TMOD1: variants seen among roughly 807,000 people sequenced by gnomAD.
TMOD1 encodes the protein tropomodulin-1.
TMOD1 carries 17 observed loss-of-function variants against 40.6 expected under a neutral mutation model. The observed-to-expected ratio is 0.42, with a 90% CI of 0.29 to 0.63. TMOD1 has a LOEUF of 0.63. TMOD1 is among the 20% of genes least tolerant of loss of function. The pLI is 0.22. For synonymous variants in TMOD1, 181 were observed against 175.0 expected (o/e 1.03, Z -0.27); for missense variants, 391 against 447.6 (o/e 0.87, Z 1.14).
rs1330987168 is a variant in TMOD1, at chr9:97,502,587, C to T, written c.-49+784C>T. On this transcript the variant is annotated intron_variant, in intron 1 of 9. Transcript: ENST00000259365. This position sits in a 1 kb window ranked among gnomAD's most constrained non-coding sequence, Gnocchi z 6.1. ...GAGCTGCAGGGCGCGCTCTTGGCCGCCTGCGCTCCCCACACCTGTTCACCC... is the reference window on the plus strand; with the variant it reads ...GAGCTGCAGGGCGCGCTCTTGGCCGTCTGCGCTCCCCACACCTGTTCACCC... 6.6e-6 allele frequency among the ~76,000 whole-genome samples: 1 copy of T among 152,152 alleles called. No individual in the cohort carries two copies. Among genetic ancestry groups the T allele is most frequent in the African/African-American group, 2.4e-5 (1 of 41,440 alleles).
chr9:97,576,350 A>G (rs1416575628), intron 8 of TMOD1, among the ~76,000 whole-genome samples: 1 of 152,184 alleles, frequency 6.6e-6, no homozygotes, highest in Non-Finnish European at 1.5e-5. Context: ...GAGGCTGAGC[A>G]GGAGGATCAC....
rs550811380 is a variant in TMOD1, at chr9:97,529,777, A to G, written c.120+5469A>G. On this transcript the variant is annotated intron_variant, in intron 2 of 9. Coordinates refer to ENST00000259365, the MANE Select transcript of TMOD1 (RefSeq NM_003275.4). ...TGCCTTTGTACCAGGCAGTGGGGGC[A>G]ACACAGAGAGAGGTTTTGAGAATGA... Among the ~76,000 whole-genome samples the G allele has an allele frequency of 1.9e-3, 290 of 152,348 alleles. 4 individuals are homozygous for G. The highest frequency in any genetic ancestry group is 0.019 in the Admixed American group (286 of 15,304).
intron 1 of TMOD1, among the ~76,000 whole-genome samples, chr9:97,514,573 C>T (rs1049963699): frequency 6.6e-6 from 1 of 152,184 alleles, no homozygotes; most frequent in African/African-American, 2.4e-5. Context: ...CTCCCTCGCC[C>T]CTGGCACCCT....
chr9:97,584,145 A>G (rs993304717), intron 8 of TMOD1, among the ~76,000 whole-genome samples: 12 of 151,630 alleles, frequency 7.9e-5, no homozygotes, highest in Non-Finnish European at 1.3e-4. Flanking sequence ...ATTTAGTGCT[A>G]TAAATTTCCC....
intron 8 of TMOD1, among the ~76,000 whole-genome samples, chr9:97,574,524 C>T (rs1400017071): frequency 6.6e-6 from 1 of 152,266 alleles, no homozygotes; most frequent in Non-Finnish European, 1.5e-5. Context: ...CCACGGCGCC[C>T]AGTCCCATCA....
At position 97,502,097 on chromosome 9, in the gene TMOD1, AC is replaced by A. The variant is rs1829511277; in HGVS notation, c.-49+297del. Among the ~76,000 whole-genome samples the A allele has an allele frequency of 6.6e-6, 1 of 151,490 alleles. No individual in the cohort carries two copies. Among genetic ancestry groups the A allele is most frequent in the African/African-American group, 2.4e-5 (1 of 41,200 alleles). On this transcript the variant is annotated intron_variant, in intron 1 of 9. Transcript: ENST00000259365. The surrounding 1 kb of genome is among the most constrained non-coding windows in gnomAD (Gnocchi z 6.1). ...CACCGCGTCTGTGAACGCGAGAAGGACCCGGGGTTCTGGAGGAGACGGCGCC... is the reference window on the plus strand; with the variant it reads ...CACCGCGTCTGTGAACGCGAGAAGGACCGGGGTTCTGGAGGAGACGGCGCC...
chr9:97,560,701 G>A (rs1417999402), intron 4 of TMOD1, among the ~76,000 whole-genome samples: 1 of 148,338 alleles, frequency 6.7e-6, no homozygotes, highest in African/African-American at 2.5e-5. Flanking sequence ...TTTATATATT[G>A]TATATATAAA....
chr9:97,518,997 T>C (rs1379307739), intron 1 of TMOD1, among the ~76,000 whole-genome samples: 1 of 152,228 alleles, frequency 6.6e-6, no homozygotes, highest in Admixed American at 6.5e-5. Context: ...CAAGTCAGTA[T>C]AACTGGAAAA....
At position 97,565,879 on chromosome 9, in the gene TMOD1, C is replaced by T. The variant is rs1830719603; in HGVS notation, c.650C>T (p.Ala217Val). ...NIPIPTLKAY[A>V]EALKENSYVK... Reference sequence around the variant, plus strand: ...CCCATCCCCACCCTCAAGGCATATGCAGAAGCCCTGAAAGAAAACTCATAT... The same window carrying T: ...CCCATCCCCACCCTCAAGGCATATGTAGAAGCCCTGAAAGAAAACTCATAT... Residue 217 changes from alanine to valine, a missense_variant, in exon 7 of 10, where the codon GCA becomes GTA. Ala to Val is a moderately conservative substitution (Grantham distance 64). Coordinates refer to ENST00000259365, the MANE Select transcript of TMOD1 (RefSeq NM_003275.4). 1 of 1,614,032 alleles carries T rather than the reference C, an allele frequency of 6.2e-7. No individual in the cohort carries two copies. Among genetic ancestry groups the T allele is most frequent in the African/African-American group, 1.3e-5 (1 of 74,920 alleles).
intron 2 of TMOD1, among the ~76,000 whole-genome samples, chr9:97,540,799 G>A (rs756197590): frequency 1.3e-5 from 2 of 152,006 alleles, no homozygotes; most frequent in African/African-American, 2.4e-5. Flanking sequence ...AGACTTGTTC[G>A]TACTTTTGTT....
At chr9:97,508,676 A>G (rs2131206167) in intron 1 of TMOD1, among the ~76,000 whole-genome samples, 1 of 152,284 alleles carries the variant, frequency 6.6e-6, no homozygotes, top group African/African-American at 2.4e-5. Context: ...GCCTGGATGT[A>G]AATCCTGGCT....
intron 8 of TMOD1, among the ~76,000 whole-genome samples, chr9:97,579,569 A>G (rs1360922340): frequency 1.3e-5 from 2 of 152,206 alleles, no homozygotes; most frequent in Non-Finnish European, 2.9e-5. Flanking sequence ...TATAGGTGTG[A>G]GCCACTGTGC....
At chr9:97,580,812 T>C (rs1258477604) in intron 8 of TMOD1, among the ~76,000 whole-genome samples, 2 of 152,260 alleles carry the variant, frequency 1.3e-5, no homozygotes, top group East Asian at 3.9e-4. Context: ...CACTTGTCTC[T>C]TCCTTCTGCC....
intron 1 of TMOD1, 100 bp from the exon 2 acceptor site, chr9:97,524,041 A>G: frequency 1.2e-6 from 1 of 845,270 alleles, no homozygotes; most frequent in Non-Finnish European, 1.8e-6. Context: ...CTGGCAATTC[A>G]TAAAATGTAC....
chr9:97,547,017 ACCATCTCCACC>A (rs371334073), intron 3 of TMOD1, among the ~76,000 whole-genome samples: 11 of 151,474 alleles, frequency 7.3e-5, no homozygotes, highest in African/African-American at 2.7e-4. Context: ...AGATGCACTA[ACCATCTCCACC>A]CAGATTCTCT....
rs147129373 is a variant in TMOD1, at chr9:97,544,118, G to C, written c.121-2067G>C. Among the ~76,000 whole-genome samples the C allele has an allele frequency of 1.7e-3, 258 of 152,304 alleles. 2 individuals carry two copies. The highest frequency in any genetic ancestry group is 5.6e-3 in the African/African-American group (232 of 41,560). ...TATCTGTCTGTCCGGGCTCTGTGCTGGGTGGGCCCTGCTCACTTACAGCCC... is the reference window on the plus strand; with the variant it reads ...TATCTGTCTGTCCGGGCTCTGTGCTCGGTGGGCCCTGCTCACTTACAGCCC... On this transcript the variant is annotated intron_variant, in intron 2 of 9. Coordinates refer to ENST00000259365, the MANE Select transcript of TMOD1 (RefSeq NM_003275.4).
At chr9:97,562,849 A>T (rs1222375236) in intron 5 of TMOD1, 28 bp downstream of exon 5, 14 of 1,549,750 alleles carry the variant, frequency 9.0e-6, no homozygotes, top group African/African-American at 1.4e-5. Context: ...CCCAGGAGGG[A>T]CCTCATGCTT....
intron 6 of TMOD1, among the ~76,000 whole-genome samples, chr9:97,565,416 T>G (rs1483824353): frequency 6.6e-6 from 1 of 152,130 alleles, no homozygotes; most frequent in Admixed American, 6.5e-5. Context: ...GAGTATCATA[T>G]GCAACCCCCT....
intron 2 of TMOD1, 104 bp downstream of exon 2, chr9:97,524,412 A>C (rs1829967429): frequency 7.2e-7 from 1 of 1,397,296 alleles, no homozygotes; most frequent in African/African-American, 1.4e-5. Context: ...CTTCCATGGC[A>C]ATGACATTGG....
Sources: allele counts gnomAD v4.1 joint callset (sites outside exome capture counted in the v4.1 genomes callset), GRCh38; gene constraint gnomAD v4.1.1; non-coding constraint Gnocchi (gnomAD v3.1); transcripts MANE v1.5; gene names NCBI Gene and HGNC (gene_info 2026-07-23, HGNC 2026-07-21).